DLGAP2: variants seen among roughly 807,000 people sequenced by gnomAD.
DLGAP2 encodes the protein DLG associated protein 2.
Under a neutral mutation model 100.3 loss-of-function variants are expected in DLGAP2, and 26 were observed. The ratio of observed to expected loss-of-function variants is 0.26; its 90% CI spans 0.19 to 0.36. The LOEUF (loss-of-function observed/expected upper bound fraction) is 0.36. Ranked by LOEUF, DLGAP2 falls within the 10% of genes least tolerant of loss-of-function variation. The probability of loss-of-function intolerance (pLI) is 1.00; values close to 1 mark genes in which losing one functional copy is unlikely to be tolerated. For synonymous variants in DLGAP2, 886 were observed against 630.1 expected, an observed-to-expected ratio of 1.41 and a Z score of -6.08; for missense variants, 1,858 against 1,453.2, an observed-to-expected ratio of 1.28 and a Z score of -4.53.
intron 1 of DLGAP2, among the ~76,000 whole-genome samples, chr8:799,103 C>G (rs1369130705): frequency 2.0e-5 from 3 of 152,314 alleles, no homozygotes; most frequent in Middle Eastern, 6.8e-3. Context: ...CATGCTCACA[C>G]CAGCTGTGAC....
At chr8:797,529 C>G (rs1037341459) in intron 1 of DLGAP2, among the ~76,000 whole-genome samples, 2 of 152,112 alleles carry the variant, frequency 1.3e-5, no homozygotes, top group Non-Finnish European at 2.9e-5. Context: ...TGAAGTCTTT[C>G]CATAGACATT....
intron 2 of DLGAP2, among the ~76,000 whole-genome samples, chr8:1,204,498 C>G (rs1433600669): frequency 6.6e-6 from 1 of 152,176 alleles, no homozygotes; most frequent in African/African-American, 2.4e-5. Flanking sequence ...TTCATCTATT[C>G]GATCTTAGTT....
intron 1 of DLGAP2, among the ~76,000 whole-genome samples, chr8:889,838 G>T (rs1797997869): frequency 6.6e-6 from 1 of 152,218 alleles, no homozygotes; most frequent in Non-Finnish European, 1.5e-5. Context: ...CATCAGAGAG[G>T]CTGTAAGAAT....
chr8:1,640,704 G>C (rs958019277), intron 8 of DLGAP2, among the ~76,000 whole-genome samples: 1 of 152,094 alleles, frequency 6.6e-6, no homozygotes, highest in African/African-American at 2.4e-5. Context: ...CCCCATTACG[G>C]GCCTGAGCAC....
At chr8:1,227,351 G>A (rs796120737) in intron 2 of DLGAP2, among the ~76,000 whole-genome samples, 2 of 146,406 alleles carry the variant, frequency 1.4e-5, no homozygotes, top group African/African-American at 5.1e-5. Flanking sequence ...TTTTTTTTCT[G>A]AAATAAGAAT....
chr8:979,577 C>G (rs1034259526), intron 2 of DLGAP2, among the ~76,000 whole-genome samples: 1 of 152,164 alleles, frequency 6.6e-6, no homozygotes, highest in Non-Finnish European at 1.5e-5. Flanking sequence ...TTGCACCTGC[C>G]TGTAATGATG....
intron 3 of DLGAP2, among the ~76,000 whole-genome samples, chr8:1,299,432 G>T (rs1585235690): frequency 6.6e-6 from 1 of 152,228 alleles, no homozygotes; most frequent in Non-Finnish European, 1.5e-5. Flanking sequence ...CCATAAAATT[G>T]TGATGATGTT....
intron 5 of DLGAP2, among the ~76,000 whole-genome samples, chr8:1,554,259 G>A (rs1393831464): frequency 1.3e-5 from 2 of 152,058 alleles, no homozygotes; most frequent in Non-Finnish European, 2.9e-5. Flanking sequence ...CTGCACTCCA[G>A]CCTGGGTGAC....
chr8:1,633,171 TC>T (rs1797692948), intron 8 of DLGAP2, 125 bp downstream of exon 8: 2 of 864,616 alleles, frequency 2.3e-6, no homozygotes, highest in Admixed American at 5.2e-5. Flanking sequence ...TAGTAACGTT[TC>T]CTAATTGCAT....
At chr8:797,876 G>A (rs576056397) in intron 1 of DLGAP2, among the ~76,000 whole-genome samples, 70 of 152,196 alleles carry the variant, frequency 4.6e-4, no homozygotes, top group Non-Finnish European at 8.7e-4. Flanking sequence ...TCAGCCTCCT[G>A]AGTAGCTGGG....
chr8:761,171 C>T (rs2132590188), intron 1 of DLGAP2, among the ~76,000 whole-genome samples: 1 of 152,256 alleles, frequency 6.6e-6, no homozygotes, highest in South Asian at 2.1e-4. Flanking sequence ...GGGGGCCAGG[C>T]CCCTTCTCTG....
intron 3 of DLGAP2, among the ~76,000 whole-genome samples, chr8:1,370,676 T>G (rs1418291015): frequency 6.6e-6 from 1 of 152,206 alleles, no homozygotes; most frequent in Non-Finnish European, 1.5e-5. Flanking sequence ...AGGCACCTGT[T>G]CCTGGGATCA....
intron 1 of DLGAP2, among the ~76,000 whole-genome samples, chr8:786,039 C>G (rs1821853167): frequency 6.6e-6 from 1 of 152,218 alleles, no homozygotes; most frequent in Non-Finnish European, 1.5e-5. Context: ...AGAGCTTCGT[C>G]AGGAATGCCC....
chr8:1,300,727 G>A (rs978782213), intron 3 of DLGAP2: 1 of 152,260 alleles, frequency 6.6e-6, no homozygotes, highest in Non-Finnish European at 1.5e-5. Context: ...TGTTTTCTGA[G>A]ACTGCACCAT....
chr8:782,932 C>T (rs923101388), intron 1 of DLGAP2, among the ~76,000 whole-genome samples: 73 of 152,312 alleles, frequency 4.8e-4, no homozygotes, highest in African/African-American at 1.7e-3. Context: ...AGAAACAGTG[C>T]GTGGCTGTGC....
At chr8:1,392,649 G>A (rs538977217) in intron 3 of DLGAP2, among the ~76,000 whole-genome samples, 2 of 152,190 alleles carry the variant, frequency 1.3e-5, no homozygotes, top group East Asian at 1.9e-4. Flanking sequence ...GGGGAGTCCC[G>A]TGGGCCTGGG....
At chr8:1,254,135 C>T (rs1230332506) in intron 2 of DLGAP2, among the ~76,000 whole-genome samples, 1 of 152,190 alleles carries the variant, frequency 6.6e-6, no homozygotes, top group Non-Finnish European at 1.5e-5. Context: ...TGCCTGTGGG[C>T]TCAGCGCTGA....
chr8:1,222,500 TG>T (rs1176321434), intron 2 of DLGAP2, among the ~76,000 whole-genome samples: 2 of 151,956 alleles, frequency 1.3e-5, no homozygotes, highest in Non-Finnish European at 2.9e-5. Context: ...GACACTCCAG[TG>T]GGGGCTGCTA....
At chr8:1,377,075 G>A (rs1795962446) in intron 3 of DLGAP2, among the ~76,000 whole-genome samples, 1 of 152,238 alleles carries the variant, frequency 6.6e-6, no homozygotes, top group South Asian at 2.1e-4. Flanking sequence ...GCAGTGAGAT[G>A]CCTGCCACTT....
Sources: gnomAD v4.1 joint callset for allele counts (sites outside exome capture counted in the v4.1 genomes callset) on GRCh38, gnomAD v4.1.1 for gene constraint, MANE v1.5 for transcripts, NCBI Gene and HGNC (gene_info 2026-07-23, HGNC 2026-07-21) for gene names.